PAQR3: variants seen among roughly 807,000 people sequenced by gnomAD.
PAQR3 encodes progestin and adipoQ receptor family member 3, also known as Raf kinase trapping to Golgi.
PAQR3 carries 39 observed loss-of-function variants against 41.7 expected under a neutral mutation model. The ratio of observed to expected loss-of-function variants is 0.93; its 90% CI spans 0.72 to 1.22. The LOEUF (loss-of-function observed/expected upper bound fraction) is 1.22, where lower values mean the gene tolerates loss of function less well. Among genes scored for constraint, PAQR3 ranks in the 50% most tolerant of loss-of-function variants. PAQR3 has a pLI of 0.00. For synonymous variants in PAQR3, 140 were observed against 140.6 expected (o/e 1.00, Z 0.03); for missense variants, 366 against 385.6 (o/e 0.95, Z 0.42).
At position 78,919,528 on chromosome 4, in the gene PAQR3, G is replaced by T. The variant is rs1735447293; in HGVS notation, c.*1011C>A. 1 of 985,160 alleles carries T rather than the reference G, an allele frequency of 1.0e-6. No individual in the cohort carries two copies. The highest frequency in any genetic ancestry group is 1.2e-6 in the Non-Finnish European group (1 of 829,802). The allele number at this position is 985,160 out of a possible 1,614,324, so 61.0% of individuals were successfully genotyped here. A position where few individuals can be genotyped will look rare whatever the true frequency, so the allele number is the denominator to read the frequency against. The stretch of plus-strand genomic sequence containing the variant: ...ACACATGCAGAAACCGAGGACCAGA[G>T]CACAGGTGAATAAGATTATTATCAA... On this transcript the variant is annotated 3_prime_UTR_variant, in exon 6 of 6. Coordinates refer to ENST00000512733, the MANE Select transcript of PAQR3 (RefSeq NM_001040202.2).
chr4:78,912,984 TA>T lies in PAQR3; in HGVS notation c.*7554del. The T allele has an allele frequency of 6.6e-6, 1 of 152,306 alleles. No homozygotes were observed. Among genetic ancestry groups the T allele is most frequent in the African/African-American group, 2.4e-5 (1 of 41,580 alleles). 9.4% of individuals were successfully genotyped at this position (152,306 alleles called of 1,614,324 possible). ...GAAAAATTGGAGGACAAGGGTTGTA[TA>T]AAAATTTTATTTTATGAAGAAAATA... On this transcript the variant is annotated 3_prime_UTR_variant, in exon 6 of 6. Coordinates refer to ENST00000512733, the MANE Select transcript of PAQR3 (RefSeq NM_001040202.2).
At chr4:78,898,049 C>T (rs1733796599) in intron 11 of PAQR3, among the ~76,000 whole-genome samples, 1 of 152,028 alleles carries the variant, frequency 6.6e-6, no homozygotes, top group Non-Finnish European at 1.5e-5. Flanking sequence ...TGGTTAAGCC[C>T]TGAGAAATGA....
chr4:78,911,049 A>G (rs762189582), downstream of PAQR3: 1 of 1,613,862 alleles, frequency 6.2e-7, no homozygotes, highest in South Asian at 1.1e-5. Context: ...ATCTTAATAC[A>G]ATACTCCTCA....
At chr4:78,894,705 A>G (rs1444674687) in intron 11 of PAQR3, among the ~76,000 whole-genome samples, 1 of 152,118 alleles carries the variant, frequency 6.6e-6, no homozygotes, top group East Asian at 1.9e-4. Flanking sequence ...ATTTCCTTCA[A>G]TAATTTTTCC....
chr4:78,893,821 T>C (rs1733566142), intron 11 of PAQR3, among the ~76,000 whole-genome samples: 1 of 152,118 alleles, frequency 6.6e-6, no homozygotes, highest in African/African-American at 2.4e-5. Context: ...CACCTCAACC[T>C]CCAGAGTAGC....
chr4:78,893,548 T>C (rs1211832868), intron 11 of PAQR3, among the ~76,000 whole-genome samples: 4 of 152,234 alleles, frequency 2.6e-5, no homozygotes, highest in Non-Finnish European at 5.9e-5. Flanking sequence ...GTTATAACCT[T>C]ATGAAATGTA....
rs1735505406 is a variant in PAQR3, at chr4:78,920,117, G to A, written c.*422C>T. On this transcript the variant is annotated 3_prime_UTR_variant, in exon 6 of 6. Transcript: ENST00000512733. ...TCCTAGCTTGCATTAAGCATAGGCT[G>A]AAACAACACTTGCCTTGATTAGGCA... The A allele has an allele frequency of 1.0e-6, 1 of 986,690 alleles. No homozygotes were observed. Among genetic ancestry groups the A allele is most frequent in the Non-Finnish European group, 1.2e-6 (1 of 830,608 alleles). 61.1% of individuals were successfully genotyped at this position (986,690 alleles called of 1,614,324 possible).
Position 78,913,448 on chromosome 4 carries a change from C to G in PAQR3, c.*7091G>C, listed in dbSNP as rs1277591151. ...AATATAGTATCTGTGCTTCCTGTGT[C>G]TATGACTATTTTAAGATATAATTGT... is the stretch of plus-strand genomic sequence containing the variant. On this transcript the variant is annotated 3_prime_UTR_variant, in exon 6 of 6. Transcript: ENST00000512733. 5.9e-5 allele frequency: 9 copies of G among 152,098 alleles called. No homozygotes were observed. The highest frequency in any genetic ancestry group is 1.3e-4 in the Non-Finnish European group (9 of 67,990). 9.4% of individuals were successfully genotyped at this position (152,098 alleles called of 1,614,324 possible).
At chr4:78,933,884 G>A (rs1737162598) in intron 2 of PAQR3, among the ~76,000 whole-genome samples, 1 of 152,170 alleles carries the variant, frequency 6.6e-6, no homozygotes, top group Non-Finnish European at 1.5e-5. Flanking sequence ...GAGGAAAAGA[G>A]CAGGGATTCT....
intron 11 of PAQR3, among the ~76,000 whole-genome samples, chr4:78,902,031 C>T (rs1306927388): frequency 6.6e-6 from 1 of 152,088 alleles, no homozygotes; most frequent in East Asian, 1.9e-4. Flanking sequence ...GATTGTCAGT[C>T]CAAATGCTGG....
chr4:78,919,658 G>C lies in PAQR3; in HGVS notation c.*881C>G. On this transcript the variant is annotated 3_prime_UTR_variant, in exon 6 of 6. Transcript: ENST00000512733. ...TTGCAAGTAGCACCCACAATGCTGGGAACCCCCACCACTGGGATATTCAGG... is the reference window on the plus strand; with the variant it reads ...TTGCAAGTAGCACCCACAATGCTGGCAACCCCCACCACTGGGATATTCAGG... 3 of 985,116 alleles carry C rather than the reference G, an allele frequency of 3.0e-6. No individual in the cohort carries two copies. The highest frequency in any genetic ancestry group is 3.6e-6 in the Non-Finnish European group (3 of 829,778). 61.0% of individuals were successfully genotyped at this position (985,116 alleles called of 1,614,324 possible). A position where few individuals can be genotyped will look rare whatever the true frequency, so the allele number is the denominator to read the frequency against.
At position 78,918,336 on chromosome 4, in the gene PAQR3, T is replaced by C. The variant is rs138843205; in HGVS notation, c.*2203A>G. 10 of 975,106 alleles carry C rather than the reference T, an allele frequency of 1.0e-5. No homozygotes were observed. The East Asian group carries it at 9.1e-4, about 89-fold the overall frequency. 60.4% of individuals were successfully genotyped at this position (975,106 alleles called of 1,614,324 possible). A position where few individuals can be genotyped will look rare whatever the true frequency, so the allele number is the denominator to read the frequency against. On this transcript the variant is annotated 3_prime_UTR_variant, in exon 6 of 6. Coordinates refer to ENST00000512733, the MANE Select transcript of PAQR3 (RefSeq NM_001040202.2). Reference sequence around the variant, plus strand: ...TTAAAATATTTTTTAATGTTAACAATGTCTTCAAAATTTTACCAGTAGTGC... The same window carrying C: ...TTAAAATATTTTTTAATGTTAACAACGTCTTCAAAATTTTACCAGTAGTGC...
At chr4:78,910,160 G>A (rs538156711), downstream of PAQR3, among the ~76,000 whole-genome samples, 16 of 152,282 alleles carry the variant, frequency 1.1e-4, no homozygotes, top group East Asian at 1.5e-3. Flanking sequence ...AAACAAATAC[G>A]TAACTGAGCA....
At chr4:78,908,098 AT>A (rs1334767635), downstream of PAQR3, among the ~76,000 whole-genome samples, 1 of 151,980 alleles carries the variant, frequency 6.6e-6, no homozygotes, top group Non-Finnish European at 1.5e-5. Flanking sequence ...TCTGCATTTG[AT>A]TTGCTTTTAA....
chr4:78,929,874 G>A (rs1037069335), intron 3 of PAQR3, among the ~76,000 whole-genome samples: 1 of 151,958 alleles, frequency 6.6e-6, no homozygotes, highest in Non-Finnish European at 1.5e-5. Flanking sequence ...CATATCTGAG[G>A]AACCACGCAG....
In PAQR3 at chr4:78,918,210, T is replaced by C. The variant is rs1434444594; in HGVS notation, c.*2329A>G. On this transcript the variant is annotated 3_prime_UTR_variant, in exon 6 of 6. Transcript: ENST00000512733. ...TGGTAAAATTAAAACCAGTCTTTTTTAGTAATAAAACTGGATAGTATATTT... is the reference window on the plus strand; with the variant it reads ...TGGTAAAATTAAAACCAGTCTTTTTCAGTAATAAAACTGGATAGTATATTT... 1 of 912,316 alleles carries C rather than the reference T, an allele frequency of 1.1e-6. No homozygotes were observed. The highest frequency in any genetic ancestry group is 1.3e-6 in the Non-Finnish European group (1 of 775,816). 56.5% of individuals were successfully genotyped at this position (912,316 alleles called of 1,614,324 possible).
chr4:78,938,541 G>A (rs1737674194), intron 1 of PAQR3, among the ~76,000 whole-genome samples: 1 of 152,042 alleles, frequency 6.6e-6, no homozygotes, highest in South Asian at 2.1e-4. Context: ...GTAGCTTCAT[G>A]AAAACAAGGG....
chr4:78,908,645 A>T (rs886690536), downstream of PAQR3, among the ~76,000 whole-genome samples: 2 of 152,136 alleles, frequency 1.3e-5, no homozygotes, highest in Admixed American at 1.3e-4. Flanking sequence ...CAGATACCTA[A>T]CTGCTGTACA....
intron 1 of PAQR3, among the ~76,000 whole-genome samples, chr4:78,938,706 A>C (rs1266014182): frequency 1.3e-5 from 2 of 152,082 alleles, no homozygotes; most frequent in Non-Finnish European, 2.9e-5. Flanking sequence ...AAAGGTATAC[A>C]CCGGGCAAAT....
Sources: gnomAD v4.1 joint callset for allele counts (sites outside exome capture counted in the v4.1 genomes callset) on GRCh38, gnomAD v4.1.1 for gene constraint, MANE v1.5 for transcripts, NCBI Gene and HGNC (gene_info 2026-07-23, HGNC 2026-07-21) for gene names.